Variants in TMPRSS6 observed in about 807,000 individuals in gnomAD.
TMPRSS6 encodes the protein transmembrane protease serine 6.
A neutral mutation model predicts 101.5 loss-of-function variants in TMPRSS6; 67 were observed. That is an observed-to-expected ratio of 0.66 (90% CI 0.54 to 0.81). The LOEUF (loss-of-function observed/expected upper bound fraction) is 0.81, where lower values mean the gene tolerates loss of function less well. Ranked by LOEUF, TMPRSS6 falls within the 30% of genes least tolerant of loss-of-function variation. The pLI is 0.00. For missense variants in TMPRSS6, 1,034 were observed against 1,088.7 expected (o/e 0.95, Z 0.71); for synonymous variants, 453 against 464.9 (o/e 0.97, Z 0.33).
In TMPRSS6 at chr22:37,096,662, G is replaced by A. The variant is rs147700428; in HGVS notation, c.390C>T (p.Ser130=). ...GGACAACTCACCCAAAGGAATAGAC[G>A]GAGCTGGAGTTGTAGTAAGTTCCCA... is the stretch of plus-strand genomic sequence containing the variant. The part of the protein sequence containing the change: ...TRLGTYYNSS[S]VYSFGEGPLT... Residue 130 remains serine (S), a synonymous_variant, in exon 4 of 18, where the codon TCC becomes TCT. Transcript: ENST00000676104. 1.1e-3 allele frequency: 1,706 copies of A among 1,564,804 alleles called. 15 individuals carry two copies. The African/African-American group carries it at 0.017, about 16-fold the overall frequency.
intron 10 of TMPRSS6, among the ~76,000 whole-genome samples, chr22:37,081,712 TG>T (rs1289178110): frequency 1.3e-5 from 2 of 152,108 alleles, no homozygotes; most frequent in African/African-American, 4.8e-5. Context: ...AGCCACCGCT[TG>T]GCTACACCCT....
At chr22:37,079,935 A>AGCCAG (rs1329176913) in intron 10 of TMPRSS6, 2 of 152,320 alleles carry the variant, frequency 1.3e-5, no homozygotes, top group Non-Finnish European at 2.9e-5. Context: ...GCCACCCCAT[A>AGCCAG]GCCAGGCCAG....
intron 10 of TMPRSS6, among the ~76,000 whole-genome samples, chr22:37,079,482 C>T (rs1299867396): frequency 6.6e-6 from 1 of 152,008 alleles, no homozygotes; most frequent in Non-Finnish European, 1.5e-5. Flanking sequence ...AAGAAGGGTG[C>T]GTGGGTGGAT....
At chr22:37,106,948 T>C (rs2146199040) in intron 1 of TMPRSS6, among the ~76,000 whole-genome samples, 1 of 152,336 alleles carries the variant, frequency 6.6e-6, no homozygotes, top group East Asian at 1.9e-4. Flanking sequence ...CTTGATCAGA[T>C]CAAGAATATG....
Position 37,095,897 on chromosome 22 carries a change from A to G in TMPRSS6, c.589+9T>C, listed in dbSNP as rs377665035. 193 of 1,613,890 alleles carry G rather than the reference A, an allele frequency of 1.2e-4. 1 individual carries two copies. The highest frequency in any genetic ancestry group is 1.2e-3 in the Middle Eastern group (7 of 6,058). On this transcript the variant is annotated intron_variant, in intron 5 of 17. Transcript: ENST00000676104. ...AGGCCAACCCCACGTTTCCACTCGC[A>G]GTACTGACCCAGGATCACTAGGCCC...
chr22:37,103,896 C>T lies in TMPRSS6; in HGVS notation c.-1-478G>A, dbSNP rs572959208. On this transcript the variant is annotated intron_variant, in intron 1 of 17. Coordinates refer to ENST00000676104, the MANE Select transcript of TMPRSS6 (RefSeq NM_001374504.1). This position sits in a 1 kb window ranked among gnomAD's most constrained non-coding sequence, Gnocchi z 4.4. ...ACGCCCACACAGTCCATGCACTTAG[C>T]CCCCGCCCCAGAATCCCCTGAGCTG... is the stretch of plus-strand genomic sequence containing the variant. 2.6e-5 allele frequency among the ~76,000 whole-genome samples: 4 copies of T among 152,188 alleles called. No homozygotes were observed. The highest frequency in any genetic ancestry group is 6.5e-5 in the Admixed American group (1 of 15,284).
In TMPRSS6 at chr22:37,103,666, G is replaced by A; in HGVS notation, c.-1-248C>T. The A allele has an allele frequency of 7.3e-7, 1 of 1,371,474 alleles. No individual in the cohort carries two copies. The highest frequency in any genetic ancestry group is 1.0e-6 in the Non-Finnish European group (1 of 973,396). The allele number at this position is 1,371,474 out of a possible 1,614,324, so 85.0% of individuals were successfully genotyped here. ...GGTCTGGCTCAAGAACCCCACCTTT[G>A]CTTCCCACTGGCTTCCCTATGGTCA... On this transcript the variant is annotated intron_variant, in intron 1 of 17. Coordinates refer to ENST00000676104, the MANE Select transcript of TMPRSS6 (RefSeq NM_001374504.1). This position sits in a 1 kb window ranked among gnomAD's most constrained non-coding sequence, Gnocchi z 4.4.
chr22:37,067,514 G>A (rs1718162900), intron 16 of TMPRSS6, among the ~76,000 whole-genome samples: 1 of 152,140 alleles, frequency 6.6e-6, no homozygotes, highest in African/African-American at 2.4e-5. Context: ...GTGGATGAGT[G>A]TCTTCCTCCA....
rs761420956 is a variant in TMPRSS6, at chr22:37,098,413, T to C, written c.336+3A>G. 11 of 1,613,470 alleles carry C rather than the reference T, an allele frequency of 6.8e-6. No individual in the cohort carries two copies. The highest frequency in any genetic ancestry group is 9.3e-6 in the Non-Finnish European group (11 of 1,179,808). On this transcript the variant is annotated splice_donor_region_variant and intron_variant, in intron 3 of 17. Transcript: ENST00000676104. ...CCCTCTCATCCCCCAGATCCTTTCC[T>C]ACCATCTTCTGGGCTTTGGCGGTTT...
chr22:37,099,484 C>T (rs1215802952), intron 2 of TMPRSS6, among the ~76,000 whole-genome samples: 2 of 152,144 alleles, frequency 1.3e-5, no homozygotes, highest in East Asian at 3.8e-4. Context: ...AGAGGGTAGA[C>T]TCACAGCCCT....
chr22:37,084,199 G>T, intron 10 of TMPRSS6, 96 bp downstream of exon 10: 1 of 1,084,834 alleles, frequency 9.2e-7, no homozygotes, highest in South Asian at 1.3e-5. Flanking sequence ...TCTGAGATTG[G>T]GGACTTGGGC....
At chr22:37,091,849 G>A (rs780004491) in intron 6 of TMPRSS6, among the ~76,000 whole-genome samples, 13 of 152,190 alleles carry the variant, frequency 8.5e-5, no homozygotes, top group Non-Finnish European at 1.5e-4. Context: ...GAAGGGAATG[G>A]AGGTGAATAC....
At chr22:37,089,425 C>T (rs1012624385) in intron 7 of TMPRSS6, among the ~76,000 whole-genome samples, 153 bp downstream of exon 7, 2 of 152,216 alleles carry the variant, frequency 1.3e-5, no homozygotes, top group Non-Finnish European at 2.9e-5. Flanking sequence ...CTCCTCTCCC[C>T]TATCCCCTCT....
chr22:37,106,382 CT>C (rs1930716318), intron 1 of TMPRSS6, among the ~76,000 whole-genome samples: 1 of 151,814 alleles, frequency 6.6e-6, no homozygotes, highest in Admixed American at 6.6e-5. Context: ...CTTGGTGGGC[CT>C]CCCCTCCCCT....
In TMPRSS6 at chr22:37,065,914, C is replaced by A. The variant is rs969529261; in HGVS notation, c.*166G>T. On this transcript the variant is annotated 3_prime_UTR_variant, in exon 18 of 18. Transcript: ENST00000676104. ...CTGCTGGCACTTCTCCATCCTCCTG[C>A]CATCACTGGAGCAGACATCAGGGAC... 6.9e-6 allele frequency: 6 copies of A among 870,082 alleles called. No homozygotes were observed. Among genetic ancestry groups the A allele is most frequent in the African/African-American group, 6.7e-5 (4 of 59,838 alleles). 53.9% of individuals were successfully genotyped at this position (870,082 alleles called of 1,614,324 possible).
intron 13 of TMPRSS6, among the ~76,000 whole-genome samples, chr22:37,073,305 A>G (rs575149144): frequency 6.8e-6 from 1 of 147,004 alleles, no homozygotes; most frequent in South Asian, 2.2e-4. Flanking sequence ...ATAAATGGGT[A>G]GCTGTATGAA....
In TMPRSS6 at chr22:37,102,000, G is replaced by A. The variant is rs1930356474; in HGVS notation, c.202+1216C>T. ...TTGCAAGCAGGCCCGTGTCAGACCT[G>A]GGGTTCCCAATAGTGTCACTCCCAG... is the stretch of plus-strand genomic sequence containing the variant. On this transcript the variant is annotated intron_variant, in intron 2 of 17. Coordinates refer to ENST00000676104, the MANE Select transcript of TMPRSS6 (RefSeq NM_001374504.1). This position sits in a 1 kb window ranked among gnomAD's most constrained non-coding sequence, Gnocchi z 4.1. 6.6e-6 allele frequency among the ~76,000 whole-genome samples: 1 copy of A among 151,914 alleles called. No homozygotes were observed. The highest frequency in any genetic ancestry group is 6.6e-5 in the Admixed American group (1 of 15,256).
intron 1 of TMPRSS6, among the ~76,000 whole-genome samples, chr22:37,107,168 C>A (rs146548167): frequency 6.6e-6 from 1 of 152,288 alleles, no homozygotes; most frequent in Non-Finnish European, 1.5e-5. Flanking sequence ...TGAGGCCTGG[C>A]ACTGGGGCAT....
rs1342737182 is a variant in TMPRSS6, at chr22:37,095,534, A to G, written c.631+17T>C. 3.3e-6 allele frequency: 5 copies of G among 1,535,316 alleles called. No individual in the cohort carries two copies. The highest frequency in any genetic ancestry group is 4.4e-6 in the Non-Finnish European group (5 of 1,129,554). ...AACTCAAAAGGAAAATGGGGAGGGG[A>G]AAAAAAAATAGCGTACCCAGCGTGG... is the stretch of plus-strand genomic sequence containing the variant. On this transcript the variant is annotated intron_variant, in intron 6 of 17. Transcript: ENST00000676104.
Sources: allele counts gnomAD v4.1 joint callset (sites outside exome capture counted in the v4.1 genomes callset), GRCh38; gene constraint gnomAD v4.1.1; non-coding constraint Gnocchi (gnomAD v3.1); transcripts MANE v1.5; gene names NCBI Gene and HGNC (gene_info 2026-07-23, HGNC 2026-07-21).